Variants in PREX1 observed in about 807,000 individuals in gnomAD.
The protein encoded by PREX1 is phosphatidylinositol-3,4,5-trisphosphate dependent Rac exchange factor 1.
A neutral mutation model predicts 198.3 loss-of-function variants in PREX1; 41 were observed. The ratio of observed to expected loss-of-function variants is 0.21; its 90% confidence interval spans 0.16 to 0.27. The LOEUF (loss-of-function observed/expected upper bound fraction) is 0.27. Ranked by LOEUF, PREX1 falls within the 10% of genes least tolerant of loss-of-function variation. The pLI is 1.00. For missense variants in PREX1, 1,620 were observed against 2,200.7 expected (o/e 0.74, Z 5.28); for synonymous variants, 843 against 887.2 (o/e 0.95, Z 0.89).
At chr20:48,850,417 G>A in the PREX1 span, among the ~76,000 whole-genome samples, 1 of 152,256 alleles carries the variant, frequency 6.6e-6, no homozygotes, top group Admixed American at 6.5e-5. Context: ...AGATTAGGCG[G>A]TTGCAATTTG....
chr20:48,789,203 A>G (rs1436839479), intron 1 of PREX1, among the ~76,000 whole-genome samples: 1 of 152,162 alleles, frequency 6.6e-6, no homozygotes, highest in African/African-American at 2.4e-5. Flanking sequence ...AGAATGGAAC[A>G]AGTTCCTCCA....
intron 30 of PREX1, among the ~76,000 whole-genome samples, chr20:48,638,208 G>A (rs760745493): frequency 1.4e-4 from 22 of 151,738 alleles, no homozygotes; most frequent in Non-Finnish European, 2.6e-4. Flanking sequence ...AGGTACACAT[G>A]CGCCCACACA....
chr20:48,725,375 G>A (rs945766298), intron 5 of PREX1, among the ~76,000 whole-genome samples: 8 of 152,222 alleles, frequency 5.3e-5, no homozygotes, highest in Non-Finnish European at 1.0e-4. Flanking sequence ...GAAGGCGGAA[G>A]AGCCGTCCCC....
chr20:48,686,696 C>T (rs1267784075), intron 10 of PREX1, among the ~76,000 whole-genome samples: 2 of 152,240 alleles, frequency 1.3e-5, no homozygotes, highest in Non-Finnish European at 2.9e-5. Context: ...GGCCCAAACT[C>T]TCCTCTCCAT....
chr20:48,708,191 T>C (rs1257747627), intron 6 of PREX1, 69 bp downstream of exon 6: 3 of 1,543,684 alleles, frequency 1.9e-6, no homozygotes, highest in Non-Finnish European at 2.7e-6. Flanking sequence ...CAGGCCTCAG[T>C]TCATGACTGC....
the PREX1 span, among the ~76,000 whole-genome samples, chr20:48,847,530 C>T: frequency 3.3e-5 from 5 of 152,262 alleles, no homozygotes; most frequent in Non-Finnish European, 7.4e-5. Flanking sequence ...TTGGAAAACC[C>T]AGAGCAGCAT....
the PREX1 span, among the ~76,000 whole-genome samples, chr20:48,872,536 G>A: frequency 2.0e-5 from 3 of 152,082 alleles, no homozygotes; most frequent in East Asian, 1.9e-4. Context: ...TAGAGGTCAG[G>A]AGTTCAAGAG....
At chr20:48,880,981 T>TTAA in the PREX1 span, among the ~76,000 whole-genome samples, 1 of 20,968 alleles carries the variant, frequency 4.8e-5, no homozygotes, top group Non-Finnish European at 7.6e-5. Context: ...AAACCATTGC[T>TTAA]AAAAAAAAAA....
intron 31 of PREX1, among the ~76,000 whole-genome samples, chr20:48,636,943 CAA>C (rs1376783443): frequency 1.1e-4 from 16 of 152,334 alleles, no homozygotes; most frequent in South Asian, 6.2e-4. Context: ...AACAAACAAA[CAA>C]ACATCTTGTG....
At chr20:48,640,607 G>A (rs6125413) in intron 29 of PREX1, among the ~76,000 whole-genome samples, 9,736 of 152,138 alleles carry the variant, frequency 0.064, 374 homozygotes, top group South Asian at 0.13. Context: ...CTGCCCATCT[G>A]CATTTCTATC....
At chr20:48,686,251 G>A (rs1332804054) in intron 10 of PREX1, among the ~76,000 whole-genome samples, 1 of 152,170 alleles carries the variant, frequency 6.6e-6, no homozygotes, top group Non-Finnish European at 1.5e-5. Context: ...GACCAGGGAC[G>A]CATCTTGGAC....
chr20:48,825,291 A>C (rs921226804), intron 1 of PREX1, among the ~76,000 whole-genome samples: 3 of 152,194 alleles, frequency 2.0e-5, no homozygotes, highest in African/African-American at 7.2e-5. Flanking sequence ...CAAAAGGCCC[A>C]GGCAGAAAGG....
rs561493243 is a variant in PREX1 at position 48,804,350 on chromosome 20, G to C, written c.219+23292C>G. On this transcript the variant is annotated intron_variant, in intron 1 of 39. Coordinates refer to ENST00000371941, the MANE Select transcript of PREX1 (RefSeq NM_020820.4). The stretch of plus-strand genomic sequence containing the variant: ...AAGTGCCACGGAGAAGAGGGAGACA[G>C]AGGGGGAGCATGGGAGGAGGGGTGA... Among the ~76,000 whole-genome samples the C allele has an allele frequency of 2.6e-5, 4 of 152,232 alleles. No individual in the cohort carries two copies. In the South Asian group the frequency reaches 8.3e-4, roughly 31 times the overall value.
rs113241242 is a variant in PREX1, at chr20:48,632,348, G to T, written c.4455C>A (p.Ala1485=). The change falls in exon 35 of 40, where the codon GCC becomes GCA. Residue 1485 remains alanine, a synonymous_variant. Transcript: ENST00000371941. ...TGATGTCCTGCTGCAAATCCTCCGCGGCCTGGCTGCCTGGAGAAGGCAGCC... is the reference window on the plus strand; with the variant it reads ...TGATGTCCTGCTGCAAATCCTCCGCTGCCTGGCTGCCTGGAGAAGGCAGCC... ...VEGLPSPGSQ[A]AEDLQQDINA... is the part of the protein sequence containing the mutation. The T allele has an allele frequency of 6.2e-7, 1 of 1,614,038 alleles. No homozygotes were observed. The highest frequency in any genetic ancestry group is 2.2e-5 in the East Asian group (1 of 44,878).
intron 1 of PREX1, among the ~76,000 whole-genome samples, chr20:48,817,450 A>T (rs556094429): frequency 6.6e-6 from 1 of 152,342 alleles, no homozygotes; most frequent in African/African-American, 2.4e-5. Flanking sequence ...TTTAAAAATA[A>T]CCTCACTAAT....
chr20:48,631,505 A>G (rs748884327), intron 35 of PREX1, among the ~76,000 whole-genome samples: 1 of 152,234 alleles, frequency 6.6e-6, no homozygotes, highest in Non-Finnish European at 1.5e-5. Flanking sequence ...ATCATCACAC[A>G]GGCAGGACTC....
intron 4 of PREX1, among the ~76,000 whole-genome samples, chr20:48,729,463 T>C (rs914147805): frequency 6.6e-6 from 1 of 152,146 alleles, no homozygotes; most frequent in Non-Finnish European, 1.5e-5. Context: ...CTAGAGTCTC[T>C]GCTGCCCCCC....
intron 1 of PREX1, among the ~76,000 whole-genome samples, chr20:48,760,411 G>A (rs2090174048): frequency 6.6e-6 from 1 of 151,964 alleles, no homozygotes; most frequent in Admixed American, 6.6e-5. Flanking sequence ...ATAAACTGCA[G>A]AGCCCCCCAC....
chr20:48,734,463 G>A, intron 4 of PREX1, 83 bp downstream of exon 4: 4 of 1,171,700 alleles, frequency 3.4e-6, no homozygotes, highest in South Asian at 1.3e-5. Context: ...GCACCATGGG[G>A]CAGCATGAAG....
Sources: gnomAD v4.1 joint callset for allele counts (sites outside exome capture counted in the v4.1 genomes callset) on GRCh38, gnomAD v4.1.1 for gene constraint, MANE v1.5 for transcripts, NCBI Gene and HGNC (gene_info 2026-07-23, HGNC 2026-07-21) for gene names.